The following PRKAA2 variants were observed in gnomAD, a reference collection of about 807,000 sequenced individuals.
PRKAA2 encodes 5'-AMP-activated protein kinase catalytic subunit alpha-2.
PRKAA2 carries 40 observed loss-of-function variants against 56.3 expected under a neutral mutation model. That is an observed-to-expected ratio of 0.71 (90% CI 0.55 to 0.92). The LOEUF is 0.92. Ranked by LOEUF, PRKAA2 falls within the 40% of genes least tolerant of loss-of-function variation. The pLI is 0.00. For synonymous variants in PRKAA2, 214 were observed against 234.2 expected (o/e 0.91, Z 0.79); for missense variants, 542 against 686.9 (o/e 0.79, Z 2.36).
At chr1:56,666,493 G>A (rs1644037072) in intron 1 of PRKAA2, among the ~76,000 whole-genome samples, 1 of 152,176 alleles carries the variant, frequency 6.6e-6, no homozygotes, top group Admixed American at 6.5e-5. Flanking sequence ...AAAGACAAAT[G>A]AGACATAGAC....
chr1:56,672,341 T>C (rs949796154), intron 1 of PRKAA2, among the ~76,000 whole-genome samples: 1 of 152,174 alleles, frequency 6.6e-6, no homozygotes, highest in Non-Finnish European at 1.5e-5. Context: ...GGTCTCGAAC[T>C]CCTGGGCTCA....
At chr1:56,651,749 C>T (rs1643901143) in intron 1 of PRKAA2, among the ~76,000 whole-genome samples, 1 of 152,056 alleles carries the variant, frequency 6.6e-6, no homozygotes, top group Non-Finnish European at 1.5e-5. Flanking sequence ...CTCAATCTTT[C>T]ATTTCTTATT....
At chr1:56,677,202 T>C (rs528572455) in intron 2 of PRKAA2, among the ~76,000 whole-genome samples, 1 of 152,310 alleles carries the variant, frequency 6.6e-6, no homozygotes, top group African/African-American at 2.4e-5. Flanking sequence ...TGATAAGCAT[T>C]GGCCCAGAGC....
chr1:56,681,412 T>C (rs919873246), intron 2 of PRKAA2, among the ~76,000 whole-genome samples: 2 of 152,236 alleles, frequency 1.3e-5, no homozygotes, highest in African/African-American at 4.8e-5. Context: ...TTTGGTGTTT[T>C]AGACATGAAG....
chr1:56,661,880 C>T (rs2746346), intron 1 of PRKAA2, among the ~76,000 whole-genome samples: 149,943 of 152,116 alleles, frequency 0.99, 73,901 homozygotes, highest in East Asian at 1. Context: ...CCTGCTAATA[C>T]AATGTTACAA....
Position 56,714,654 on chromosome 1 carries a change from G to A in PRKAA2, c.*6941G>A, listed in dbSNP as rs1016241331. On this transcript the variant is annotated 3_prime_UTR_variant, in exon 9 of 9. Transcript: ENST00000371244. The stretch of plus-strand genomic sequence containing the variant: ...CTCTCAAGACTGTTCACAAATATCT[G>A]TGGTTGTACAATGTTTTGAACATTT... 2 of 152,108 alleles carry A rather than the reference G, an allele frequency of 1.3e-5. No homozygotes were observed. The highest frequency in any genetic ancestry group is 4.8e-5 in the African/African-American group (2 of 41,434). The allele number at this position is 152,108 out of a possible 1,614,324, so 9.4% of individuals were successfully genotyped here. A position where few individuals can be genotyped will look rare whatever the true frequency, so the allele number is the denominator to read the frequency against.
chr1:56,650,064 C>T (rs1646674857), intron 1 of PRKAA2, among the ~76,000 whole-genome samples: 1 of 151,848 alleles, frequency 6.6e-6, no homozygotes, highest in Non-Finnish European at 1.5e-5. Flanking sequence ...CACTGCACTC[C>T]AGCCTGGGTG....
chr1:56,656,180 G>A (rs947601756), intron 1 of PRKAA2, among the ~76,000 whole-genome samples: 1 of 152,072 alleles, frequency 6.6e-6, no homozygotes, highest in Admixed American at 6.6e-5. Flanking sequence ...TAGATGATGG[G>A]TCAGAAGAAA....
chr1:56,670,777 G>A (rs11206894), intron 1 of PRKAA2, among the ~76,000 whole-genome samples: 46,980 of 152,058 alleles, frequency 0.31, 7,926 homozygotes, highest in Admixed American at 0.44. Context: ...GGATATTTAC[G>A]TGTATACATG....
chr1:56,706,037 G>T (rs1644329518), intron 7 of PRKAA2, 55 bp from the exon 8 acceptor site: 2 of 1,464,850 alleles, frequency 1.4e-6, no homozygotes, highest in Non-Finnish European at 1.9e-6. Context: ...GACTTTTTTT[G>T]CATAAAAAGG....
chr1:56,700,643 T>C (rs1387909073), intron 6 of PRKAA2, among the ~76,000 whole-genome samples: 1 of 152,214 alleles, frequency 6.6e-6, no homozygotes. Context: ...TTGTTTTTTC[T>C]TTTTTAACAA....
chr1:56,674,550 A>G (rs528351066), intron 2 of PRKAA2, 28 bp downstream of exon 2: 1 of 1,382,472 alleles, frequency 7.2e-7, no homozygotes, highest in Admixed American at 2.6e-5. Context: ...TAATAATACC[A>G]AAGAGACACC....
chr1:56,659,038 A>G (rs1194540421), intron 1 of PRKAA2, among the ~76,000 whole-genome samples: 2 of 151,092 alleles, frequency 1.3e-5, no homozygotes, highest in East Asian at 2.0e-4. Context: ...CCTGGCTTCA[A>G]GCGATCCTCT....
chr1:56,692,362 A>G lies in PRKAA2; in HGVS notation c.335A>G (p.Glu112Gly). Residue 112 changes from glutamate to glycine, a missense_variant, in exon 4 of 9, where the codon GAA becomes GGA. Glu to Gly is a moderately conservative substitution (Grantham distance 98). Around this residue, in one of 5 missense-constraint regions of PRKAA2, gnomAD observed 121 missense variants for 210.0 expected, o/e 0.58. Coordinates refer to ENST00000371244, the MANE Select transcript of PRKAA2 (RefSeq NM_006252.4). ...AGTTTCTTTTGTGCTTGATAGGTTG[A>G]AGAGATGGAAGCCAGGCGGCTCTTT... ...FDYICKHGRVEEMEARRLFQQ... is the reference protein window; with the variant it reads ...FDYICKHGRVGEMEARRLFQQ... 1 of 1,613,874 alleles carries G rather than the reference A, an allele frequency of 6.2e-7. No homozygotes were observed.
chr1:56,689,963 T>G (rs1487495181), intron 2 of PRKAA2, among the ~76,000 whole-genome samples: 1 of 150,532 alleles, frequency 6.6e-6, no homozygotes, highest in Non-Finnish European at 1.5e-5. Flanking sequence ...ATGGGAATTG[T>G]TTAACATTTA....
chr1:56,693,821 A>G lies in PRKAA2; in HGVS notation c.532A>G (p.Asn178Asp). 1 of 1,599,766 alleles carries G rather than the reference A, an allele frequency of 6.3e-7. No individual in the cohort carries two copies. Among genetic ancestry groups the G allele is most frequent in the Non-Finnish European group, 8.5e-7 (1 of 1,170,272 alleles). Reference protein sequence around the residue: ...EFLRTSCGSPNYAAPEVISGR... With the variant: ...EFLRTSCGSPDYAAPEVISGR... ...TCTGAGAACTAGTTGCGGATCTCCAAATTATGCAGCACCTGAAGTCATCTC... is the reference window on the plus strand; with the variant it reads ...TCTGAGAACTAGTTGCGGATCTCCAGATTATGCAGCACCTGAAGTCATCTC... The change falls in exon 5 of 9, where the codon AAT becomes GAT. Residue 178 changes from asparagine to aspartate, a missense_variant. Asn to Asp is a conservative substitution (Grantham distance 23, BLOSUM62 1). Around this residue, in one of 5 missense-constraint regions of PRKAA2, gnomAD observed 121 missense variants for 210.0 expected, o/e 0.58. Transcript: ENST00000371244.
chr1:56,657,182 T>C (rs1467301849), intron 1 of PRKAA2, among the ~76,000 whole-genome samples: 1 of 151,722 alleles, frequency 6.6e-6, no homozygotes, highest in Non-Finnish European at 1.5e-5. Flanking sequence ...GGGAAAAAAA[T>C]GTTGAGAATA....
chr1:56,668,819 T>C (rs982532758), intron 1 of PRKAA2, among the ~76,000 whole-genome samples: 3 of 152,198 alleles, frequency 2.0e-5, no homozygotes, highest in African/African-American at 4.8e-5. Flanking sequence ...GGGAATGATA[T>C]TGGAAATTTG....
chr1:56,680,145 C>A (rs998806158), intron 2 of PRKAA2, among the ~76,000 whole-genome samples: 2 of 152,080 alleles, frequency 1.3e-5, no homozygotes, highest in Non-Finnish European at 2.9e-5. Flanking sequence ...GACACCCTAA[C>A]CCCCACATTG....
Sources: allele counts gnomAD v4.1 joint callset (sites outside exome capture counted in the v4.1 genomes callset), GRCh38; gene constraint gnomAD v4.1.1; regional missense constraint gnomAD v4.1.1; transcripts MANE v1.5; gene names NCBI Gene and HGNC (gene_info 2026-07-23, HGNC 2026-07-21).